Variants in SLC2A9 observed in about 807,000 individuals in gnomAD.
SLC2A9 encodes solute carrier family 2, facilitated glucose transporter member 9.
SLC2A9 carries 39 observed loss-of-function variants against 50.6 expected under a neutral mutation model. The observed-to-expected ratio is 0.77, with a 90% confidence interval of 0.60 to 1.01. The LOEUF (loss-of-function observed/expected upper bound fraction) is 1.01. SLC2A9 is among the 50% of genes least tolerant of loss of function. The pLI is 0.00. For missense variants in SLC2A9, 686 were observed against 677.6 expected (o/e 1.01, Z -0.14); for synonymous variants, 324 against 276.9 (o/e 1.17, Z -1.69).
chr4:9,792,785 T>G (rs1228723206), intron 3 of SLC2A9: 1 of 152,072 alleles, frequency 6.6e-6, no homozygotes, highest in Non-Finnish European at 1.5e-5. Context: ...CCCATCCAAG[T>G]ACTAACCAGG....
At chr4:10,039,955 T>C (rs978875167) in intron 1 of SLC2A9, among the ~76,000 whole-genome samples, 2 of 152,220 alleles carry the variant, frequency 1.3e-5, no homozygotes, top group African/African-American at 4.8e-5. Flanking sequence ...TGACATCTCC[T>C]CTGCACCCAC....
At chr4:9,859,083 T>C (rs1040017770) in intron 10 of SLC2A9, among the ~76,000 whole-genome samples, 1 of 152,206 alleles carries the variant, frequency 6.6e-6, no homozygotes, top group African/African-American at 2.4e-5. Flanking sequence ...GGCTTCCCTA[T>C]TTTTGAGGTT....
chr4:9,973,058 T>C (rs115228769), intron 5 of SLC2A9, among the ~76,000 whole-genome samples: 2,151 of 152,144 alleles, frequency 0.014, 24 homozygotes, highest in Middle Eastern at 0.054. Flanking sequence ...CTAGCTAGAT[T>C]AAAAAAGAAA....
At chr4:9,994,180 C>G (rs1383710343) in intron 3 of SLC2A9, among the ~76,000 whole-genome samples, 1 of 152,216 alleles carries the variant, frequency 6.6e-6, no homozygotes, top group Admixed American at 6.5e-5. Flanking sequence ...CAGTTCAACT[C>G]CATTTTGAAA....
intron 8 of SLC2A9, among the ~76,000 whole-genome samples, chr4:9,893,205 C>G (rs1376117205): frequency 1.3e-5 from 2 of 152,164 alleles, no homozygotes; most frequent in Non-Finnish European, 2.9e-5. Context: ...GGGCACTGAT[C>G]ACTTTTCTGC....
At chr4:9,800,549 C>T (rs1721256956) in intron 3 of SLC2A9, among the ~76,000 whole-genome samples, 1 of 152,140 alleles carries the variant, frequency 6.6e-6, no homozygotes, top group Non-Finnish European at 1.5e-5. Context: ...CATCTATCCT[C>T]CAGAATTGTG....
chr4:9,979,933 C>G (rs1372937273), intron 5 of SLC2A9, among the ~76,000 whole-genome samples: 1 of 151,104 alleles, frequency 6.6e-6, no homozygotes, highest in South Asian at 2.1e-4. Flanking sequence ...CCCATCATCA[C>G]CTGCCTAACT....
intron 3 of SLC2A9, among the ~76,000 whole-genome samples, chr4:9,988,169 T>C (rs1164280849): frequency 6.6e-6 from 1 of 152,216 alleles, no homozygotes; most frequent in Non-Finnish European, 1.5e-5. Flanking sequence ...GGTAATGATT[T>C]GGACCAGGCT....
At chr4:9,990,300 C>T (rs576858039) in intron 3 of SLC2A9, among the ~76,000 whole-genome samples, 1 of 152,132 alleles carries the variant, frequency 6.6e-6, no homozygotes, top group Admixed American at 6.5e-5. Context: ...ATTCAAGCAT[C>T]GAGCATTTTC....
chr4:9,893,891 A>G (rs1738035080), intron 8 of SLC2A9, among the ~76,000 whole-genome samples: 1 of 152,274 alleles, frequency 6.6e-6, no homozygotes, highest in Non-Finnish European at 1.5e-5. Flanking sequence ...TGTTAATCTC[A>G]GCGCAACACA....
intron 5 of SLC2A9, among the ~76,000 whole-genome samples, chr4:9,944,741 C>T (rs1432530952): frequency 1.3e-5 from 2 of 152,164 alleles, no homozygotes; most frequent in East Asian, 1.9e-4. Context: ...AGAGTCTGAA[C>T]CTGGCTTTTT....
At chr4:9,895,920 G>C (rs1738466371) in intron 8 of SLC2A9, among the ~76,000 whole-genome samples, 2 of 152,178 alleles carry the variant, frequency 1.3e-5, no homozygotes, top group Admixed American at 6.5e-5. Context: ...CAGTGTTTTT[G>C]AGATTCATCC....
chr4:9,926,479 G>A (rs1390313167), intron 6 of SLC2A9, among the ~76,000 whole-genome samples: 2 of 151,266 alleles, frequency 1.3e-5, no homozygotes, highest in African/African-American at 4.9e-5. Flanking sequence ...CATTGGTGGT[G>A]TAACCAGTGT....
intron 11 of SLC2A9, among the ~76,000 whole-genome samples, chr4:9,834,578 T>C (rs1726712795): frequency 6.6e-6 from 1 of 152,138 alleles, no homozygotes; most frequent in Admixed American, 6.5e-5. Context: ...GATGAGCACA[T>C]TGTAAAAATG....
At chr4:9,782,037 C>G in intron 3 of SLC2A9, 1 of 1,468,242 alleles carries the variant, frequency 6.8e-7, no homozygotes, top group Non-Finnish European at 9.0e-7. Flanking sequence ...GAAATGCTGC[C>G]GCCAGGCAGC....
intron 3 of SLC2A9, chr4:9,783,475 A>G: frequency 1.3e-6 from 2 of 1,587,062 alleles, no homozygotes; most frequent in Admixed American, 1.7e-5. Context: ...CTGCATTAAG[A>G]AACCCCCTCA....
At chr4:10,020,033 T>C (rs1221940600) in intron 1 of SLC2A9, among the ~76,000 whole-genome samples, 1 of 128,058 alleles carries the variant, frequency 7.8e-6, no homozygotes, top group Non-Finnish European at 1.6e-5. Flanking sequence ...ATTTGACATA[T>C]TTGTGAGTGT....
chr4:9,800,743 C>T (rs756535275), intron 3 of SLC2A9, among the ~76,000 whole-genome samples: 4 of 152,162 alleles, frequency 2.6e-5, no homozygotes, highest in Non-Finnish European at 4.4e-5. Flanking sequence ...GCATTTACAA[C>T]GCATCAGGTA....
intron 8 of SLC2A9, among the ~76,000 whole-genome samples, chr4:9,894,772 A>G (rs559714111): frequency 6.6e-6 from 1 of 152,320 alleles, no homozygotes; most frequent in South Asian, 2.1e-4. Context: ...TAAGCTTCTT[A>G]GGGGAGTTGG....
Sources: gnomAD v4.1 joint callset for allele counts (sites outside exome capture counted in the v4.1 genomes callset) on GRCh38, gnomAD v4.1.1 for gene constraint, MANE v1.5 for transcripts, NCBI Gene and HGNC (gene_info 2026-07-23, HGNC 2026-07-21) for gene names.